The following ZCCHC24 variants were observed in gnomAD, a reference collection of about 807,000 sequenced individuals.
The protein encoded by ZCCHC24 is zinc finger CCHC domain-containing protein 24.
A neutral mutation model predicts 26.2 loss-of-function variants in ZCCHC24; 10 were observed. That is an observed-to-expected ratio of 0.38 (90% CI 0.24 to 0.65). The LOEUF (loss-of-function observed/expected upper bound fraction) is 0.65. ZCCHC24 is among the 30% of genes least tolerant of loss of function. The pLI, the probability that ZCCHC24 is intolerant of heterozygous loss-of-function variation, is 0.54. For missense variants in ZCCHC24, 243 were observed against 329.1 expected (o/e 0.74, Z 2.03); for synonymous variants, 144 against 147.1 (o/e 0.98, Z 0.15).
intron 2 of ZCCHC24, among the ~76,000 whole-genome samples, chr10:79,415,153 C>T (rs767460824): frequency 3.9e-5 from 6 of 152,176 alleles, no homozygotes; most frequent in Non-Finnish European, 5.9e-5. Flanking sequence ...CAGCCCCTCC[C>T]GTCCTCCCAT....
chr10:79,435,006 C>A (rs1394720667), intron 1 of ZCCHC24, among the ~76,000 whole-genome samples: 1 of 152,060 alleles, frequency 6.6e-6, no homozygotes, highest in African/African-American at 2.4e-5. Flanking sequence ...ACCAGGGTCT[C>A]CCCTTATCTT....
In ZCCHC24 at chr10:79,386,051, C is replaced by G; in HGVS notation, c.*294G>C. Reference sequence around the variant, plus strand: ...TCAGAGGCGAGCCTGTGGGGACACCCAGGGCTCCTGGACATGGGCTTTTGC... The same window carrying G: ...TCAGAGGCGAGCCTGTGGGGACACCGAGGGCTCCTGGACATGGGCTTTTGC... On this transcript the variant is annotated 3_prime_UTR_variant, in exon 4 of 4. Coordinates refer to ENST00000372336, the MANE Select transcript of ZCCHC24 (RefSeq NM_153367.4). The G allele has an allele frequency of 3.7e-6, 2 of 540,332 alleles. No homozygotes were observed. Among genetic ancestry groups the G allele is most frequent in the Non-Finnish European group, 6.7e-6 (2 of 300,250 alleles). 33.5% of individuals were successfully genotyped at this position (540,332 alleles called of 1,614,324 possible). A position where few individuals can be genotyped will look rare whatever the true frequency, so the allele number is the denominator to read the frequency against.
At chr10:79,400,096 A>T (rs1263508408) in intron 2 of ZCCHC24, among the ~76,000 whole-genome samples, 1 of 152,190 alleles carries the variant, frequency 6.6e-6, no homozygotes, top group Admixed American at 6.5e-5. Context: ...GCACTCTGAG[A>T]TGCTGCTGGG....
chr10:79,435,055 C>G (rs1047139879), intron 1 of ZCCHC24, among the ~76,000 whole-genome samples: 2 of 152,104 alleles, frequency 1.3e-5, no homozygotes, highest in African/African-American at 4.8e-5. Context: ...GCCCCCTCCC[C>G]CTCCAAATCC....
Position 79,432,710 on chromosome 10 carries a change from T to G in ZCCHC24, c.295A>C (p.Asn99His), listed in dbSNP as rs949460264. 4.3e-6 allele frequency: 7 copies of G among 1,609,724 alleles called. No individual in the cohort carries two copies. The African/African-American group carries it at 8.0e-5, about 18-fold the overall frequency. Residue 99 changes from asparagine (N) to histidine (H), a missense_variant, in exon 2 of 4, where the codon AAC (asparagine) becomes CAC (histidine). Asn to His is a moderately conservative substitution (Grantham distance 68). Coordinates refer to ENST00000372336, the MANE Select transcript of ZCCHC24 (RefSeq NM_153367.4). Reference protein sequence around the residue: ...YKGASPYGSLNNIADGLSSLT... With the variant: ...YKGASPYGSLHNIADGLSSLT... Reference sequence around the variant, plus strand: ...GAGCTGAGGCCATCGGCGATGTTGTTGAGGGAGCCATAGGGTGAGGCGCCC... The same window carrying G: ...GAGCTGAGGCCATCGGCGATGTTGTGGAGGGAGCCATAGGGTGAGGCGCCC...
chr10:79,389,740 C>A (rs1025055706), intron 3 of ZCCHC24, among the ~76,000 whole-genome samples: 2 of 152,032 alleles, frequency 1.3e-5, no homozygotes, highest in Non-Finnish European at 2.9e-5. Context: ...CTCAGCCTCC[C>A]AAGTAGCTGG....
chr10:79,430,004 C>T (rs1013117537), intron 2 of ZCCHC24, among the ~76,000 whole-genome samples: 1 of 152,118 alleles, frequency 6.6e-6, no homozygotes, highest in Non-Finnish European at 1.5e-5. Flanking sequence ...GAGGGGTAGA[C>T]AGCATCCAAT....
intron 2 of ZCCHC24, among the ~76,000 whole-genome samples, chr10:79,428,504 G>A (rs1857077805): frequency 1.7e-5 from 2 of 119,590 alleles, no homozygotes; most frequent in African/African-American, 6.3e-5. Context: ...AGAGCTCTGT[G>A]GCTGGAAGGT....
At chr10:79,416,046 G>A (rs766991010) in intron 2 of ZCCHC24, among the ~76,000 whole-genome samples, 2 of 152,174 alleles carry the variant, frequency 1.3e-5, no homozygotes, top group Non-Finnish European at 2.9e-5. Flanking sequence ...TAAGCTCCAG[G>A]TACTGCCACT....
chr10:79,445,077 C>T, intron 1 of ZCCHC24, 118 bp downstream of exon 1: 1 of 1,052,052 alleles, frequency 9.5e-7, no homozygotes, highest in Non-Finnish European at 1.2e-6. Flanking sequence ...AAGCCGGGCC[C>T]GGCAATGCGG....
At chr10:79,440,412 TC>T (rs1217840066) in intron 1 of ZCCHC24, among the ~76,000 whole-genome samples, 5 of 152,266 alleles carry the variant, frequency 3.3e-5, no homozygotes, top group East Asian at 3.9e-4. Flanking sequence ...TGACCAGTAC[TC>T]AGCAATTCCA....
At chr10:79,398,426 G>T (rs570402504) in intron 2 of ZCCHC24, among the ~76,000 whole-genome samples, 1 of 152,186 alleles carries the variant, frequency 6.6e-6, no homozygotes, top group Admixed American at 6.5e-5. Context: ...GCAAGTGCTC[G>T]GTCACCATTA....
intron 1 of ZCCHC24, among the ~76,000 whole-genome samples, chr10:79,444,548 G>A (rs753896216): frequency 1.3e-5 from 2 of 152,040 alleles, no homozygotes; most frequent in African/African-American, 4.8e-5. Flanking sequence ...GGGAGGGCTG[G>A]GGACAGCGCA....
intron 2 of ZCCHC24, among the ~76,000 whole-genome samples, chr10:79,423,501 A>C (rs1856974876): frequency 6.7e-6 from 1 of 148,322 alleles, no homozygotes; most frequent in Admixed American, 6.8e-5. Context: ...CAGTGAGCTG[A>C]AATGGCGCCA....
rs188682810 is a variant in ZCCHC24 at position 79,411,670 on chromosome 10, G to T, written c.448-17230C>A. On this transcript the variant is annotated intron_variant, in intron 2 of 3. Transcript: ENST00000372336. Reference sequence around the variant, plus strand: ...CCAGAGGAGGAGGCCAAGGCCAGGGGACTCCAGCCCACACAGCCTGTGAGA... The same window carrying T: ...CCAGAGGAGGAGGCCAAGGCCAGGGTACTCCAGCCCACACAGCCTGTGAGA... Among the ~76,000 whole-genome samples the T allele has an allele frequency of 5.4e-3, 815 of 152,274 alleles. 4 individuals are homozygous for T. Among genetic ancestry groups the T allele is most frequent in the South Asian group, 0.014 (67 of 4,826 alleles).
At chr10:79,412,390 C>T (rs746771363) in intron 2 of ZCCHC24, among the ~76,000 whole-genome samples, 5 of 152,250 alleles carry the variant, frequency 3.3e-5, no homozygotes, top group Admixed American at 1.3e-4. Flanking sequence ...GAGGGGCGGA[C>T]ATGCCCGTGT....
At chr10:79,389,509 A>G (rs1163518107) in intron 3 of ZCCHC24, among the ~76,000 whole-genome samples, 1 of 146,722 alleles carries the variant, frequency 6.8e-6, no homozygotes, top group Non-Finnish European at 1.5e-5. Flanking sequence ...GAGGTTAATA[A>G]CATTCACTGA....
At chr10:79,428,472 A>ATTTCAGTTTTGCAAGATAAATT (rs1857075535) in intron 2 of ZCCHC24, among the ~76,000 whole-genome samples, 1 of 68,766 alleles carries the variant, frequency 1.5e-5, no homozygotes, top group Non-Finnish European at 3.2e-5. Context: ...TGCAAGATAA[A>ATTTCAGTTTTGCAAGATAAATT]TTTCAGTTTT....
rs960981228 is a variant in ZCCHC24, at chr10:79,382,571, G to T, written c.*3774C>A. 3 of 152,890 alleles carry T rather than the reference G, an allele frequency of 2.0e-5. No homozygotes were observed. The highest frequency in any genetic ancestry group is 4.4e-5 in the Non-Finnish European group (3 of 68,138). 9.5% of individuals were successfully genotyped at this position (152,890 alleles called of 1,614,324 possible). ...ACGGGGTCACCGCATGGGGGCGGAG[G>T]AGGTCGGACGGCAAGGTTGGCAACA... is the stretch of plus-strand genomic sequence containing the variant. On this transcript the variant is annotated 3_prime_UTR_variant, in exon 4 of 4. Transcript: ENST00000372336.
Sources: gnomAD v4.1 joint callset for allele counts (sites outside exome capture counted in the v4.1 genomes callset) on GRCh38, gnomAD v4.1.1 for gene constraint, MANE v1.5 for transcripts, NCBI Gene and HGNC (gene_info 2026-07-23, HGNC 2026-07-21) for gene names.